Variants in SPRTN observed in about 807,000 individuals in gnomAD.
SPRTN encodes SprT-like N-terminal domain, also known as DNA-dependent metalloprotease SPRTN.
Under a neutral mutation model 31.9 loss-of-function variants are expected in SPRTN, and 11 were observed. That is an observed-to-expected ratio of 0.34 (90% CI 0.22 to 0.57). The LOEUF (loss-of-function observed/expected upper bound fraction) is 0.57. SPRTN is among the 20% of genes least tolerant of loss of function. SPRTN has a pLI of 0.86. For missense variants in SPRTN, 482 were observed against 590.1 expected (o/e 0.82, Z 1.90); for synonymous variants, 185 against 212.1 (o/e 0.87, Z 1.11).
intron 2 of SPRTN, among the ~76,000 whole-genome samples, chr1:231,340,390 A>G (rs1686846781): frequency 6.6e-6 from 1 of 152,060 alleles, no homozygotes; most frequent in African/African-American, 2.4e-5. Context: ...CCTTCTAGGT[A>G]TATTATCTGT....
chr1:231,347,442 G>A (rs193002136), intron 2 of SPRTN, among the ~76,000 whole-genome samples: 23 of 152,076 alleles, frequency 1.5e-4, no homozygotes, highest in African/African-American at 4.6e-4. Flanking sequence ...TCACTGCAGC[G>A]TCAACCTCCC....
chr1:231,353,403 T>A lies in SPRTN; in HGVS notation c.*42T>A, dbSNP rs1687301863. 2 of 1,521,954 alleles carry A rather than the reference T, an allele frequency of 1.3e-6. No homozygotes were observed. The highest frequency in any genetic ancestry group is 1.4e-5 in the African/African-American group (1 of 72,142). The allele number at this position is 1,521,954 out of a possible 1,614,324, so 94.3% of individuals were successfully genotyped here. A position where few individuals can be genotyped will look rare whatever the true frequency, so the allele number is the denominator to read the frequency against. On this transcript the variant is annotated 3_prime_UTR_variant, in exon 5 of 5. Transcript: ENST00000295050. ...TCAAGTACCACCTGTATTATCTCAC[T>A]AATGTGCTATGTCAGCCAGTCAGGA...
In SPRTN at chr1:231,343,281, A is replaced by G. The variant is rs190367119; in HGVS notation, c.321+3413A>G. 1.3e-3 allele frequency among the ~76,000 whole-genome samples: 199 copies of G among 152,058 alleles called. 2 individuals are homozygous for G. The highest frequency in any genetic ancestry group is 7.7e-4 in the Non-Finnish European group (52 of 67,968). ...TATATACCCTATAGCCTAGGTATAT[A>G]TACTCTATAGCCTAGGTATATATAC... On this transcript the variant is annotated intron_variant, in intron 2 of 4. Coordinates refer to ENST00000295050, the MANE Select transcript of SPRTN (RefSeq NM_032018.7).
Position 231,353,559 on chromosome 1 carries a change from C to T in SPRTN, c.*198C>T, listed in dbSNP as rs113842682. The T allele has an allele frequency of 1.0e-5, 13 of 1,285,826 alleles. No individual in the cohort carries two copies. In the African/African-American group the frequency reaches 1.4e-4, roughly 14 times the overall value. The allele number at this position is 1,285,826 out of a possible 1,614,324, so 79.7% of individuals were successfully genotyped here. Reference sequence around the variant, plus strand: ...TTTGTGTCTCAGGGTGCTACATTCACTCTTGCCTTAGGTATACTGTAACCC... The same window carrying T: ...TTTGTGTCTCAGGGTGCTACATTCATTCTTGCCTTAGGTATACTGTAACCC... On this transcript the variant is annotated 3_prime_UTR_variant, in exon 5 of 5. Transcript: ENST00000295050.
At chr1:231,348,713 C>G (rs1687136796) in intron 3 of SPRTN, among the ~76,000 whole-genome samples, 1 of 152,086 alleles carries the variant, frequency 6.6e-6, no homozygotes. Flanking sequence ...TTTCATCGTT[C>G]CAGTGGCATC....
chr1:231,338,903 G>T (rs2102858591), intron 1 of SPRTN, among the ~76,000 whole-genome samples: 1 of 152,296 alleles, frequency 6.6e-6, no homozygotes, highest in South Asian at 2.1e-4. Flanking sequence ...TTCCTGATTT[G>T]CCTTATGATA....
intron 2 of SPRTN, among the ~76,000 whole-genome samples, chr1:231,346,395 CAG>C (rs1251007915): frequency 1.4e-5 from 2 of 146,042 alleles, no homozygotes; most frequent in Admixed American, 7.0e-5. Flanking sequence ...TTAGTAGAGA[CAG>C]GGTTTCACCA....
rs767269218 is a variant in SPRTN at position 231,352,765 on chromosome 1, A to T, written c.874A>T (p.Asn292Tyr). 48 of 1,613,972 alleles carry T rather than the reference A, an allele frequency of 3.0e-5. No individual in the cohort carries two copies. The highest frequency in any genetic ancestry group is 8.5e-7 in the Non-Finnish European group (1 of 1,179,994). The part of the protein sequence containing the change: ...QDLLNQNHSA[N>Y]AVRPNSKIKV... The stretch of plus-strand genomic sequence containing the variant: ...TCTTTTAAATCAAAACCATTCAGCA[A>T]ATGCTGTAAGACCTAATTCTAAAAT... The change falls in exon 5 of 5, where the codon AAT becomes TAT. Residue 292 changes from asparagine to tyrosine, a missense_variant. Physicochemically the swap from Asn to Tyr is moderately radical, Grantham distance 143. Around this residue, in one of 2 missense-constraint regions of SPRTN, gnomAD observed 325 missense variants for 350.2 expected, o/e 0.93. Coordinates refer to ENST00000295050, the MANE Select transcript of SPRTN (RefSeq NM_032018.7).
chr1:231,338,685 T>C, intron 1 of SPRTN, 81 bp downstream of exon 1: 1 of 1,548,500 alleles, frequency 6.5e-7, no homozygotes, highest in Admixed American at 1.7e-5. Flanking sequence ...CTCTCCTTTC[T>C]CTAGTCCGAC....
intron 3 of SPRTN, among the ~76,000 whole-genome samples, chr1:231,348,286 A>C (rs1687123741): frequency 6.6e-6 from 1 of 152,154 alleles, no homozygotes; most frequent in Non-Finnish European, 1.5e-5. Context: ...CCTCATCAGA[A>C]TTCTTCTTTG....
intron 3 of SPRTN, 117 bp downstream of exon 3, chr1:231,348,042 C>A: frequency 1.4e-6 from 2 of 1,404,808 alleles, no homozygotes; most frequent in Non-Finnish European, 1.9e-6. Context: ...TTTTCCACAG[C>A]GAACGAGAGG....
chr1:231,352,642 A>T lies in SPRTN; in HGVS notation c.751A>T (p.Ile251Phe). 6.2e-7 allele frequency: 1 copy of T among 1,603,058 alleles called. No homozygotes were observed. Among genetic ancestry groups the T allele is most frequent in the Non-Finnish European group, 8.5e-7 (1 of 1,176,446 alleles). The change falls in exon 5 of 5, where the codon ATC becomes TTC. Residue 251 changes from isoleucine to phenylalanine, a missense_variant. Transcript: ENST00000295050. ...CAACAGAGGTGAGGCCCAGCTAGTA[A>T]TCCCTTTTAGTGGGAAAGGATATGT... is the stretch of plus-strand genomic sequence containing the variant. ...KPNRGEAQLV[I>F]PFSGKGYVLG... is the part of the protein sequence containing the mutation.
rs760006850 is a variant in SPRTN at position 231,338,388 on chromosome 1, A to G, written c.5A>G (p.Asp2Gly). The change falls in exon 1 of 5, where the codon GAT becomes GGT. Residue 2 changes from aspartate (D) to glycine (G), a missense_variant. Physicochemically the swap from Asp to Gly is moderately conservative, Grantham distance 94. This residue lies in a region of SPRTN where 157 missense variants were observed against 239.9 expected (regional missense o/e 0.65). Coordinates refer to ENST00000295050, the MANE Select transcript of SPRTN (RefSeq NM_032018.7). Reference protein sequence around the residue: MDDDLMLALRLQ... With the variant: MGDDLMLALRLQ... ...CCGCCTGTGATCCTGGCAACGATGG[A>G]TGATGACTTGATGTTGGCACTGCGG... 5 of 1,613,948 alleles carry G rather than the reference A, an allele frequency of 3.1e-6. No individual in the cohort carries two copies. The highest frequency in any genetic ancestry group is 4.2e-6 in the Non-Finnish European group (5 of 1,179,924).
chr1:231,340,062 C>A (rs12081761), intron 2 of SPRTN, 194 bp downstream of exon 2: 4,124 of 348,362 alleles, frequency 0.012, 186 homozygotes, highest in African/African-American at 0.091. Context: ...AAAAAAAAAA[C>A]AAAAAAAAGG....
chr1:231,339,528 G>C, intron 1 of SPRTN: 1 of 712,646 alleles, frequency 1.4e-6, no homozygotes, highest in Non-Finnish European at 2.5e-6. Context: ...ACCTTCTCAA[G>C]CAGGGTGGTG....
In SPRTN at chr1:231,352,596, T is replaced by C; in HGVS notation, c.719-14T>C. On this transcript the variant is annotated splice_polypyrimidine_tract_variant and intron_variant, in intron 4 of 4. Transcript: ENST00000295050. ...GAGGCACTTACATAACAATCTTCTT[T>C]GCTTTTTTGGCAGATAAACCCAACA... 6.5e-7 allele frequency: 1 copy of C among 1,546,464 alleles called. No homozygotes were observed.
At chr1:231,339,366 A>T in intron 1 of SPRTN, 1 of 403,216 alleles carries the variant, frequency 2.5e-6, no homozygotes, top group Non-Finnish European at 4.7e-6. Flanking sequence ...GGAGACTGGG[A>T]GTAGCAGAAT....
chr1:231,351,010 TGAA>T (rs1166131849), intron 3 of SPRTN, among the ~76,000 whole-genome samples: 1 of 152,126 alleles, frequency 6.6e-6, no homozygotes, highest in Non-Finnish European at 1.5e-5. Context: ...TTAGTGTTCA[TGAA>T]GATTTTCTGT....
intron 2 of SPRTN, among the ~76,000 whole-genome samples, chr1:231,340,760 T>G (rs1018054939): frequency 2.0e-5 from 3 of 151,620 alleles, no homozygotes; most frequent in African/African-American, 7.3e-5. Flanking sequence ...ACCGTACCAT[T>G]GCATTCCAGC....
Sources: gnomAD v4.1 joint callset for allele counts (sites outside exome capture counted in the v4.1 genomes callset) on GRCh38, gnomAD v4.1.1 for gene constraint, gnomAD v4.1.1 regional missense constraint, MANE v1.5 for transcripts, NCBI Gene and HGNC (gene_info 2026-07-23, HGNC 2026-07-21) for gene names.